Variants in CDK17 observed in about 807,000 individuals in gnomAD.
CDK17 encodes cyclin dependent kinase 17, also known as cyclin-dependent kinase 17.
In CDK17, 24 loss-of-function variants were observed where a neutral mutation model predicts 77.6. The ratio of observed to expected loss-of-function variants is 0.31; its 90% CI spans 0.22 to 0.44. The LOEUF is 0.44. Ranked by LOEUF, CDK17 falls within the 20% of genes least tolerant of loss-of-function variation. CDK17 has a pLI of 1.00. For synonymous variants in CDK17, 203 were observed against 210.4 expected (o/e 0.96, Z 0.30); for missense variants, 429 against 622.5 (o/e 0.69, Z 3.31).
Position 96,280,133 on chromosome 12 carries a change from G to T in CDK17, c.*109C>A. 9.1e-7 allele frequency: 1 copy of T among 1,100,764 alleles called. No individual in the cohort carries two copies. The highest frequency in any genetic ancestry group is 1.3e-6 in the Non-Finnish European group (1 of 768,846). The allele number at this position is 1,100,764 out of a possible 1,614,324, so 68.2% of individuals were successfully genotyped here. ...AAGACTCCACTGTGAAGAGGACAGT[G>T]TAGACAAACGGAGATTCCAAGTCCA... On this transcript the variant is annotated 3_prime_UTR_variant, in exon 17 of 17. Transcript: ENST00000261211.
At chr12:96,306,416 CAA>C (rs55650621) in intron 5 of CDK17, among the ~76,000 whole-genome samples, 12 of 131,356 alleles carry the variant, frequency 9.1e-5, no homozygotes, top group African/African-American at 2.0e-4. Context: ...ATAATTTGTA[CAA>C]AAAAAAAAAT....
At chr12:96,311,364 C>T (rs571603509) in intron 4 of CDK17, among the ~76,000 whole-genome samples, 187 bp from the exon 5 acceptor site, 2 of 151,968 alleles carry the variant, frequency 1.3e-5, no homozygotes, top group South Asian at 2.1e-4. Flanking sequence ...CAAAAGTATA[C>T]AGCGAAGTGT....
chr12:96,388,349 T>C (rs1236072399), intron 1 of CDK17, among the ~76,000 whole-genome samples: 1 of 152,188 alleles, frequency 6.6e-6, no homozygotes, highest in Non-Finnish European at 1.5e-5. Context: ...GAAACAACAA[T>C]GCACATCTTA....
chr12:96,280,433 C>T (rs1432420606), intron 16 of CDK17, 154 bp from the exon 17 acceptor site: 9 of 1,433,622 alleles, frequency 6.3e-6, no homozygotes, highest in South Asian at 3.1e-5. Context: ...CTTCTGTTGA[C>T]GGGGTCAGTC....
intron 2 of CDK17, among the ~76,000 whole-genome samples, chr12:96,331,705 T>C (rs1232721375): frequency 6.6e-6 from 1 of 152,222 alleles, no homozygotes; most frequent in African/African-American, 2.4e-5. Flanking sequence ...AGTGAGATTA[T>C]GGGTATAAGT....
At chr12:96,321,778 G>A (rs1223526424) in intron 3 of CDK17, among the ~76,000 whole-genome samples, 18 of 110,976 alleles carry the variant, frequency 1.6e-4, no homozygotes, top group African/African-American at 5.7e-4. Context: ...ATGGACACAT[G>A]AAGGGGAATA....
chr12:96,328,496 C>T (rs10860018), intron 2 of CDK17, among the ~76,000 whole-genome samples: 1 of 151,990 alleles, frequency 6.6e-6, no homozygotes, highest in African/African-American at 2.4e-5. Flanking sequence ...TCATGAGTTT[C>T]TAAGTTATTT....
intron 2 of CDK17, 150 bp from the exon 3 acceptor site, chr12:96,324,262 TAAAATA>T (rs1371824314): frequency 2.3e-5 from 10 of 427,140 alleles, no homozygotes; most frequent in East Asian, 1.1e-4. Flanking sequence ...GTATTAAAAT[TAAAATA>T]GTTTCTCTGA....
intron 1 of CDK17, among the ~76,000 whole-genome samples, chr12:96,397,394 T>C (rs1380827102): frequency 6.6e-6 from 1 of 152,194 alleles, no homozygotes; most frequent in Non-Finnish European, 1.5e-5. Context: ...TTCCTTACTA[T>C]GTATGTATCT....
At position 96,313,209 on chromosome 12, in the gene CDK17, C is replaced by T. The variant is rs145455107; in HGVS notation, c.417+112G>A. 1.4e-3 allele frequency: 957 copies of T among 677,162 alleles called. 5 individuals carry two copies. The highest frequency in any genetic ancestry group is 1.9e-3 in the Non-Finnish European group (816 of 430,800). The allele number at this position is 677,162 out of a possible 1,614,324, so 41.9% of individuals were successfully genotyped here. A position where few individuals can be genotyped will look rare whatever the true frequency, so the allele number is the denominator to read the frequency against. ...AGAAGTAACTTTCTTACAAGTGTCACGTGTCTTCATGAAAATTTTTAAATG... is the reference window on the plus strand; with the variant it reads ...AGAAGTAACTTTCTTACAAGTGTCATGTGTCTTCATGAAAATTTTTAAATG... On this transcript the variant is annotated intron_variant, in intron 4 of 16. Transcript: ENST00000261211.
intron 1 of CDK17, among the ~76,000 whole-genome samples, chr12:96,348,248 G>T (rs1479962152): frequency 6.6e-6 from 1 of 152,098 alleles, no homozygotes; most frequent in Non-Finnish European, 1.5e-5. Flanking sequence ...CAGAAAGTTG[G>T]TTCTTTAAAA....
rs566985419 is a variant in CDK17 at position 96,383,636 on chromosome 12, C to T, written c.-30+16350G>A. On this transcript the variant is annotated intron_variant, in intron 1 of 16. Coordinates refer to ENST00000261211, the MANE Select transcript of CDK17 (RefSeq NM_002595.5). Reference sequence around the variant, plus strand: ...AGTTGCACAACCACAACCGTCTGATCGTCTGATCAACAAAGTTGCCAAAAA... The same window carrying T: ...AGTTGCACAACCACAACCGTCTGATTGTCTGATCAACAAAGTTGCCAAAAA... Among the ~76,000 whole-genome samples the T allele has an allele frequency of 9.2e-5, 14 of 152,220 alleles. No homozygotes were observed. The South Asian group carries it at 1.9e-3, about 20-fold the overall frequency.
intron 1 of CDK17, among the ~76,000 whole-genome samples, chr12:96,367,416 C>A (rs768593523): frequency 7.6e-5 from 11 of 144,592 alleles, no homozygotes; most frequent in Non-Finnish European, 1.2e-4. Context: ...AGGTTAATTT[C>A]TTCAATTACT....
intron 1 of CDK17, among the ~76,000 whole-genome samples, chr12:96,387,804 A>G (rs1364691238): frequency 6.6e-6 from 1 of 151,732 alleles, no homozygotes; most frequent in Admixed American, 6.6e-5. Flanking sequence ...TCAGCCGGGC[A>G]TGGTGGTGTG....
chr12:96,389,512 G>C (rs1478491180), intron 1 of CDK17, among the ~76,000 whole-genome samples: 1 of 152,126 alleles, frequency 6.6e-6, no homozygotes, highest in Non-Finnish European at 1.5e-5. Flanking sequence ...CTGGAGAAGG[G>C]AGGGATCAAC....
intron 10 of CDK17, among the ~76,000 whole-genome samples, chr12:96,291,443 C>T (rs966266346): frequency 6.6e-5 from 10 of 151,888 alleles, no homozygotes; most frequent in Admixed American, 5.9e-4. Context: ...AGGTGCACAC[C>T]GCCACACCTG....
chr12:96,297,883 A>C (rs1167170626), intron 7 of CDK17, among the ~76,000 whole-genome samples, 162 bp from the exon 8 acceptor site: 1 of 151,860 alleles, frequency 6.6e-6, no homozygotes, highest in African/African-American at 2.4e-5. Context: ...AGGCAGGCGG[A>C]TCACTTGAGC....
At chr12:96,350,759 G>A (rs1301124733) in intron 1 of CDK17, among the ~76,000 whole-genome samples, 1 of 152,036 alleles carries the variant, frequency 6.6e-6, no homozygotes, top group African/African-American at 2.4e-5. Flanking sequence ...AGTTAAAACT[G>A]TAAAACTCTT....
chr12:96,345,493 TTTC>T (rs1159038122), intron 1 of CDK17, among the ~76,000 whole-genome samples: 1 of 152,252 alleles, frequency 6.6e-6, no homozygotes, highest in African/African-American at 2.4e-5. Context: ...GTATCTGTTG[TTTC>T]TTGACATTTT....
Sources: allele counts gnomAD v4.1 joint callset (sites outside exome capture counted in the v4.1 genomes callset), GRCh38; gene constraint gnomAD v4.1.1; transcripts MANE v1.5; gene names NCBI Gene and HGNC (gene_info 2026-07-23, HGNC 2026-07-21).